The following TMEM14C variants were observed in gnomAD, a reference collection of about 807,000 sequenced individuals.
The protein encoded by TMEM14C is transmembrane protein 14C, also known as chromosome 6 open reading frame 53.
In TMEM14C, 13 loss-of-function variants were observed where a neutral mutation model predicts 14.8. That is an observed-to-expected ratio of 0.88 (90% CI 0.57 to 1.40). The LOEUF is 1.40. Ranked by LOEUF, TMEM14C falls within the 40% of genes most tolerant of loss-of-function variation. TMEM14C has a pLI of 0.00. For synonymous variants in TMEM14C, 57 were observed against 51.3 expected, an observed-to-expected ratio of 1.11 and a Z score of -0.48; for missense variants, 142 against 138.8, an observed-to-expected ratio of 1.02 and a Z score of -0.12.
intron 5 of TMEM14C, among the ~76,000 whole-genome samples, chr6:10,729,993 G>A (rs1770981398): frequency 6.6e-6 from 1 of 152,030 alleles, no homozygotes; most frequent in Non-Finnish European, 1.5e-5. Context: ...AGCTACTTGG[G>A]ACACTGAGTC....
At chr6:10,727,043 C>T (rs1770883720) in intron 4 of TMEM14C, among the ~76,000 whole-genome samples, 1 of 152,206 alleles carries the variant, frequency 6.6e-6, no homozygotes, top group African/African-American at 2.4e-5. Context: ...TCCAGAATGA[C>T]TTGAGCCTGC....
chr6:10,724,759 C>T, intron 2 of TMEM14C, 126 bp downstream of exon 2: 2 of 1,314,076 alleles, frequency 1.5e-6, no homozygotes, highest in Non-Finnish European at 1.1e-6. Flanking sequence ...GATCACTGGA[C>T]CTGTGGGCCA....
chr6:10,724,626 G>A lies in TMEM14C; in HGVS notation c.13G>A (p.Gly5Ser), dbSNP rs1351106149. Residue 5 changes from glycine to serine, a missense_variant, in exon 2 of 6, where the codon GGC becomes AGC. Physicochemically the swap from Gly to Ser is moderately conservative, Grantham distance 56 (BLOSUM62 0). Transcript: ENST00000229563. The part of the protein sequence containing the change: MQDT[G>S]SVVPLHWFGF... The stretch of plus-strand genomic sequence containing the variant: ...AGAGAAGAGAAAAATGCAGGACACT[G>A]GCTCAGTGTGAGTGCAGTAAATGGG... 1 of 1,612,470 alleles carries A rather than the reference G, an allele frequency of 6.2e-7. No homozygotes were observed. The highest frequency in any genetic ancestry group is 1.1e-5 in the South Asian group (1 of 90,856).
rs201035061 is a variant in TMEM14C, at chr6:10,725,912, G to A, written c.103G>A (p.Val35Met). ...CTGTGTTTGCTTCCCTCTAGGCAGC[G>A]TGCCGTCCCTGGCTGCAGGGCTGCT... ...GIIGYVKAGSVPSLAAGLLFG... is the reference protein window; with the variant it reads ...GIIGYVKAGSMPSLAAGLLFG... Residue 35 changes from valine to methionine, a missense_variant, in exon 4 of 6, where the codon GTG (valine) becomes ATG (methionine). By Grantham distance (21) the Val-to-Met change is conservative. Coordinates refer to ENST00000229563, the MANE Select transcript of TMEM14C (RefSeq NM_016462.4). The A allele has an allele frequency of 1.8e-5, 29 of 1,613,722 alleles. No homozygotes were observed. The highest frequency in any genetic ancestry group is 2.2e-5 in the East Asian group (1 of 44,868).
At chr6:10,723,864 A>G (rs1216773457) in intron 1 of TMEM14C, among the ~76,000 whole-genome samples, 3 of 152,094 alleles carry the variant, frequency 2.0e-5, no homozygotes, top group Admixed American at 1.3e-4. Flanking sequence ...TCGGCCTCCT[A>G]AAGTACTGGG....
At chr6:10,726,271 A>G (rs1344193780) in intron 4 of TMEM14C, among the ~76,000 whole-genome samples, 1 of 152,210 alleles carries the variant, frequency 6.6e-6, no homozygotes, top group Non-Finnish European at 1.5e-5. Flanking sequence ...AAATTCTATC[A>G]GGCAAATGTA....
intron 2 of TMEM14C, 152 bp from the exon 3 acceptor site, chr6:10,724,809 T>C (rs1012563604): frequency 7.8e-7 from 1 of 1,288,534 alleles, no homozygotes; most frequent in African/African-American, 1.5e-5. Context: ...TTTGCTGAGT[T>C]GTGTGACTCT....
chr6:10,723,594 C>CTTTTTTTTTTT (rs34904534), intron 1 of TMEM14C, among the ~76,000 whole-genome samples: 3 of 118,680 alleles, frequency 2.5e-5, no homozygotes, highest in African/African-American at 6.8e-5. Flanking sequence ...AAACTTAATT[C>CTTTTTTTTTTT]TTTTTTTTTT....
chr6:10,730,516 C>T, intron 5 of TMEM14C, 99 bp from the exon 6 acceptor site: 1 of 1,187,000 alleles, frequency 8.4e-7, no homozygotes, highest in Non-Finnish European at 1.2e-6. Context: ...TACCTCCTCC[C>T]CCACGCAGTT....
chr6:10,728,216 A>C (rs1770923682), intron 4 of TMEM14C, among the ~76,000 whole-genome samples: 1 of 152,206 alleles, frequency 6.6e-6, no homozygotes, highest in African/African-American at 2.4e-5. Context: ...AGACAGTTAC[A>C]ATAACCTTTG....
chr6:10,724,335 G>T (rs1770790633), intron 1 of TMEM14C: 3 of 433,748 alleles, frequency 6.9e-6, no homozygotes, highest in Non-Finnish European at 8.3e-6. Context: ...TAAAACTGAG[G>T]TTTTCATGAC....
At chr6:10,728,909 G>A in intron 5 of TMEM14C, 182 bp downstream of exon 5, 1 of 1,393,938 alleles carries the variant, frequency 7.2e-7, no homozygotes, top group Non-Finnish European at 9.7e-7. Flanking sequence ...AAAATGGCAT[G>A]AGTATATCCA....
chr6:10,723,626 G>A (rs115146988), intron 1 of TMEM14C, among the ~76,000 whole-genome samples: 1,764 of 149,230 alleles, frequency 0.012, 43 homozygotes, highest in African/African-American at 0.042. Context: ...TTGAGGGAGG[G>A]ACTTGCTCTG....
At chr6:10,723,335 G>A in intron 1 of TMEM14C, 94 bp downstream of exon 1, 1 of 152,196 alleles carries the variant, frequency 6.6e-6, no homozygotes, top group African/African-American at 2.4e-5. Flanking sequence ...TCGTCCCCCC[G>A]ATTCAGCGGG....
chr6:10,725,587 G>T (rs1770832808), intron 3 of TMEM14C, among the ~76,000 whole-genome samples: 1 of 152,104 alleles, frequency 6.6e-6, no homozygotes, highest in African/African-American at 2.4e-5. Flanking sequence ...CACAATTCCA[G>T]TCCTTCATGG....
At chr6:10,723,569 T>A (rs3756953) in intron 1 of TMEM14C, among the ~76,000 whole-genome samples, 97,221 of 148,626 alleles carry the variant, frequency 0.65, 31,944 homozygotes, top group African/African-American at 0.7. Context: ...CCCGCTGCCC[T>A]TCCCTGTTTT....
Position 10,731,057 on chromosome 6 carries a change from C to T in TMEM14C, c.*391C>T. 1 of 988,662 alleles carries T rather than the reference C, an allele frequency of 1.0e-6. No individual in the cohort carries two copies. The highest frequency in any genetic ancestry group is 4.7e-5 in the South Asian group (1 of 21,372). The allele number at this position is 988,662 out of a possible 1,614,324, so 61.2% of individuals were successfully genotyped here. On this transcript the variant is annotated 3_prime_UTR_variant, in exon 6 of 6. Coordinates refer to ENST00000229563, the MANE Select transcript of TMEM14C (RefSeq NM_016462.4). ...TTACAATATCTGTTCTTTTGCTCAT[C>T]TTAGACCACAGACTGACTTTGAAAT...
At chr6:10,728,308 G>T (rs1475916139) in intron 4 of TMEM14C, among the ~76,000 whole-genome samples, 1 of 152,076 alleles carries the variant, frequency 6.6e-6, no homozygotes, top group Non-Finnish European at 1.5e-5. Flanking sequence ...GCAGGGTAGA[G>T]GAAGTAGCGT....
intron 3 of TMEM14C, among the ~76,000 whole-genome samples, chr6:10,725,442 T>C (rs1203506720): frequency 1.3e-5 from 2 of 152,204 alleles, no homozygotes; most frequent in African/African-American, 4.8e-5. Flanking sequence ...GTGCTTGTGT[T>C]TGCCCCCTAG....
Sources: gnomAD v4.1 joint callset for allele counts (sites outside exome capture counted in the v4.1 genomes callset) on GRCh38, gnomAD v4.1.1 for gene constraint, MANE v1.5 for transcripts, NCBI Gene and HGNC (gene_info 2026-07-23, HGNC 2026-07-21) for gene names.